Variants in MICU2 observed in about 807,000 individuals in gnomAD.
MICU2 encodes mitochondrial calcium uptake 2.
In MICU2, 64 loss-of-function variants were observed where a neutral mutation model predicts 60.4. The observed-to-expected ratio is 1.06, with a 90% CI of 0.87 to 1.31. The LOEUF is 1.31. Ranked by LOEUF, MICU2 falls within the 50% of genes most tolerant of loss-of-function variation. The pLI, the probability that MICU2 is intolerant of heterozygous loss-of-function variation, is 0.00. For missense variants in MICU2, 569 were observed against 531.0 expected, an observed-to-expected ratio of 1.07 and a Z score of -0.70; for synonymous variants, 201 against 175.0, an observed-to-expected ratio of 1.15 and a Z score of -1.17.
chr13:21,503,434 C>T (rs1224402629), intron 8 of MICU2, among the ~76,000 whole-genome samples: 2 of 152,132 alleles, frequency 1.3e-5, no homozygotes, highest in African/African-American at 4.8e-5. Flanking sequence ...TCCATGGAAA[C>T]TATTTTCCAA....
intron 2 of MICU2, among the ~76,000 whole-genome samples, chr13:21,561,272 C>T (rs919247048): frequency 6.6e-6 from 1 of 152,046 alleles, no homozygotes; most frequent in Non-Finnish European, 1.5e-5. Flanking sequence ...ATTCTGCTAT[C>T]GTTAGGTGAA....
At chr13:21,528,485 G>A (rs1016108597) in intron 4 of MICU2, among the ~76,000 whole-genome samples, 1 of 152,102 alleles carries the variant, frequency 6.6e-6, no homozygotes, top group South Asian at 2.1e-4. Context: ...GCACTTGTAA[G>A]CACTTTTTTC....
At chr13:21,552,522 G>A (rs1213303348) in intron 2 of MICU2, among the ~76,000 whole-genome samples, 1 of 152,122 alleles carries the variant, frequency 6.6e-6, no homozygotes, top group Non-Finnish European at 1.5e-5. Context: ...TGTCCTGAAT[G>A]GTATTGCCTA....
intron 4 of MICU2, among the ~76,000 whole-genome samples, chr13:21,534,264 G>T (rs573230277): frequency 6.6e-6 from 1 of 151,194 alleles, no homozygotes; most frequent in African/African-American, 2.4e-5. Context: ...GGAGTATAGC[G>T]GTACAATCGT....
intron 1 of MICU2, among the ~76,000 whole-genome samples, chr13:21,581,385 T>A (rs1888345235): frequency 6.6e-6 from 1 of 152,188 alleles, no homozygotes; most frequent in Non-Finnish European, 1.5e-5. Context: ...CCCAAAGTGC[T>A]GGGATTACAG....
chr13:21,514,792 G>A lies in MICU2; in HGVS notation c.598-374C>T, dbSNP rs547488210. On this transcript the variant is annotated intron_variant, in intron 6 of 11. Transcript: ENST00000382374. The stretch of plus-strand genomic sequence containing the variant: ...CCTGACTTTGTGATCCACCCGCCTC[G>A]GCCTCCCAAAGTGCTGGGATTACAG... Among the ~76,000 whole-genome samples, 337 of 150,984 alleles carry A rather than the reference G, an allele frequency of 2.2e-3. 1 individual carries two copies. Among genetic ancestry groups the A allele is most frequent in the African/African-American group, 7.8e-3 (322 of 41,072 alleles).
At chr13:21,568,729 G>A (rs1010770986) in intron 1 of MICU2, among the ~76,000 whole-genome samples, 2 of 151,954 alleles carry the variant, frequency 1.3e-5, no homozygotes, top group Non-Finnish European at 2.9e-5. Flanking sequence ...CCTTTAACTT[G>A]TAGCAATCTT....
chr13:21,510,155 A>C (rs1886392289), intron 7 of MICU2, 54 bp from the exon 8 acceptor site: 1 of 918,708 alleles, frequency 1.1e-6, no homozygotes, highest in African/African-American at 1.8e-5. Flanking sequence ...ATAAAAATAG[A>C]ATCTGTAGAG....
chr13:21,530,079 C>G (rs912028560), intron 4 of MICU2, among the ~76,000 whole-genome samples: 1 of 152,232 alleles, frequency 6.6e-6, no homozygotes, highest in African/African-American at 2.4e-5. Context: ...CTCTCCAGTT[C>G]TGCCTCATCT....
intron 9 of MICU2, among the ~76,000 whole-genome samples, chr13:21,496,868 A>G (rs1488039577): frequency 6.6e-6 from 1 of 151,878 alleles, no homozygotes; most frequent in Non-Finnish European, 1.5e-5. Context: ...ATCCTAGCTA[A>G]CACCATGAAA....
intron 2 of MICU2, among the ~76,000 whole-genome samples, chr13:21,543,296 A>C (rs1268351761): frequency 6.6e-6 from 1 of 152,210 alleles, no homozygotes; most frequent in African/African-American, 2.4e-5. Flanking sequence ...CCTTTTATTC[A>C]ACATAGAACT....
chr13:21,516,062 T>C (rs1344553765), intron 6 of MICU2, among the ~76,000 whole-genome samples: 1 of 152,214 alleles, frequency 6.6e-6, no homozygotes, highest in Non-Finnish European at 1.5e-5. Flanking sequence ...TAATTACCAG[T>C]ATTCTGCTAT....
intron 8 of MICU2, among the ~76,000 whole-genome samples, chr13:21,506,246 A>G (rs113496212): frequency 0.048 from 7,311 of 151,956 alleles, 581 homozygotes; most frequent in African/African-American, 0.17. Flanking sequence ...GAAGTCCTGG[A>G]CTCTAGCAAT....
intron 2 of MICU2, among the ~76,000 whole-genome samples, chr13:21,557,472 T>A (rs1288420028): frequency 6.6e-6 from 1 of 152,168 alleles, no homozygotes; most frequent in African/African-American, 2.4e-5. Context: ...AGAATGAGTA[T>A]CTACTTGAAA....
chr13:21,576,029 A>AT (rs1888220318), intron 1 of MICU2, among the ~76,000 whole-genome samples: 1 of 152,220 alleles, frequency 6.6e-6, no homozygotes, highest in Non-Finnish European at 1.5e-5. Flanking sequence ...TGGGGAAGGC[A>AT]TAATAGAAGG....
At position 21,545,553 on chromosome 13, in the gene MICU2, C is replaced by T. The variant is rs1448771485; in HGVS notation, c.359-5865G>A. On this transcript the variant is annotated intron_variant, in intron 2 of 11. Transcript: ENST00000382374. ...AAAAATTGATGGGTGTGGTGGCGGG[C>T]GCCTGTAATCCCAGCTACTCTGGAG... Among the ~76,000 whole-genome samples the T allele has an allele frequency of 6.6e-5, 10 of 151,904 alleles. No individual in the cohort carries two copies. The South Asian group carries it at 1.0e-3, about 16-fold the overall frequency.
At chr13:21,509,486 A>G (rs890935360) in intron 8 of MICU2, among the ~76,000 whole-genome samples, 11 of 152,344 alleles carry the variant, frequency 7.2e-5, no homozygotes, top group African/African-American at 2.4e-4. Context: ...CCCTTGTGCT[A>G]GAGAATGAGA....
At chr13:21,591,746 A>G (rs751537401) in intron 1 of MICU2, among the ~76,000 whole-genome samples, 57 of 152,202 alleles carry the variant, frequency 3.7e-4, no homozygotes, top group Non-Finnish European at 7.8e-4. Context: ...ATTTCATGGA[A>G]ATTGAACAAC....
intron 6 of MICU2, chr13:21,515,543 A>G: frequency 2.3e-6 from 1 of 442,514 alleles, no homozygotes; most frequent in East Asian, 7.0e-5. Context: ...CCTGCCTTTC[A>G]GAATCAATTG....
Sources: allele counts gnomAD v4.1 joint callset (sites outside exome capture counted in the v4.1 genomes callset), GRCh38; gene constraint gnomAD v4.1.1; transcripts MANE v1.5; gene names NCBI Gene and HGNC (gene_info 2026-07-23, HGNC 2026-07-21).